EDN3: variants seen among roughly 807,000 people sequenced by gnomAD.
The protein encoded by EDN3 is endothelin 3, also known as endothelin-3.
EDN3 carries 9 observed loss-of-function variants against 21.4 expected under a neutral mutation model. The ratio of observed to expected loss-of-function variants is 0.42; its 90% CI spans 0.25 to 0.73. EDN3 has a LOEUF of 0.73. Among genes scored for constraint, EDN3 ranks in the 30% least tolerant of loss-of-function variants. The pLI is 0.26. For missense variants in EDN3, 327 were observed against 309.4 expected (o/e 1.06, Z -0.43); for synonymous variants, 133 against 126.2 (o/e 1.05, Z -0.36).
chr20:59,322,293 G>A lies in EDN3; in HGVS notation c.543-79G>A. 1 of 1,514,612 alleles carries A rather than the reference G, an allele frequency of 6.6e-7. No individual in the cohort carries two copies. Among genetic ancestry groups the A allele is most frequent in the South Asian group, 1.1e-5 (1 of 88,814 alleles). 93.8% of individuals were successfully genotyped at this position (1,514,612 alleles called of 1,614,324 possible). A position where few individuals can be genotyped will look rare whatever the true frequency, so the allele number is the denominator to read the frequency against. ...CTAATGTGCTCATTGGTGGGGAAGA[G>A]GAAGTCATAATTTGACACCGAAAAA... On this transcript the variant is annotated intron_variant, in intron 3 of 4. Transcript: ENST00000337938. The surrounding 1 kb of genome is among the most constrained non-coding windows in gnomAD (Gnocchi z 4.1).
At position 59,301,686 on chromosome 20, in the gene EDN3, A is replaced by C; in HGVS notation, c.329A>C (p.Tyr110Ser). ...FTYKDKECVY[Y>S]CHLDIIWINT... ...TACAAGGACAAGGAGTGTGTCTACT[A>C]TTGCCACCTGGACATCATTTGGATC... Residue 110 changes from tyrosine to serine, a missense_variant, in exon 2 of 5, where the codon TAT (tyrosine) becomes TCT (serine). Transcript: ENST00000337938. 7.4e-6 allele frequency: 12 copies of C among 1,614,108 alleles called. No homozygotes were observed. Among genetic ancestry groups the C allele is most frequent in the Non-Finnish European group, 8.5e-6 (10 of 1,180,002 alleles).
chr20:59,321,485 C>T (rs1990544287), intron 3 of EDN3, among the ~76,000 whole-genome samples: 1 of 152,186 alleles, frequency 6.6e-6, no homozygotes, highest in African/African-American at 2.4e-5. Flanking sequence ...GCCTGCACAG[C>T]ACTTTGTGAA....
chr20:59,306,399 C>T (rs1473160009), intron 2 of EDN3, among the ~76,000 whole-genome samples: 1 of 151,970 alleles, frequency 6.6e-6, no homozygotes, highest in Non-Finnish European at 1.5e-5. Context: ...CTCTCTGTGA[C>T]CCTCTGGAAG....
chr20:59,300,924 G>A (rs1019017119), intron 1 of EDN3, 60 bp downstream of exon 1: 1 of 1,582,784 alleles, frequency 6.3e-7, no homozygotes, highest in African/African-American at 1.3e-5. Context: ...GACCCAGGGC[G>A]GGGGACCCGA....
At chr20:59,321,290 C>T (rs931198050) in intron 3 of EDN3, 97 bp downstream of exon 3, 47 of 1,377,444 alleles carry the variant, frequency 3.4e-5, no homozygotes, top group Non-Finnish European at 4.5e-5. Context: ...TAGGATAGTT[C>T]AGTCACATCC....
rs150731720 is a variant in EDN3, at chr20:59,301,611, C to G, written c.254C>G (p.Ala85Gly). Residue 85 changes from alanine (A) to glycine (G), a missense_variant, in exon 2 of 5, where the codon GCC (alanine) becomes GGC (glycine). Physicochemically the swap from Ala to Gly is moderately conservative, Grantham distance 60 (BLOSUM62 0). Coordinates refer to ENST00000337938, the MANE Select transcript of EDN3 (RefSeq NM_207034.3). ...SPGSPGQEQA[A>G]EGAPEHHRSR... ...GGAAGCCCTGGGCAGGAGCAGGCGG[C>G]CGAGGGGGCCCCTGAGCACCACCGA... 26 of 1,614,054 alleles carry G rather than the reference C, an allele frequency of 1.6e-5. No individual in the cohort carries two copies. In the African/African-American group the frequency reaches 2.9e-4, roughly 18 times the overall value.
At chr20:59,319,019 T>C (rs1990361280) in intron 2 of EDN3, among the ~76,000 whole-genome samples, 1 of 152,188 alleles carries the variant, frequency 6.6e-6, no homozygotes, top group African/African-American at 2.4e-5. Flanking sequence ...ATGTCTACAT[T>C]GTCTTGCTGC....
chr20:59,307,002 A>G (rs560100578), intron 2 of EDN3, among the ~76,000 whole-genome samples: 1 of 152,334 alleles, frequency 6.6e-6, no homozygotes, highest in East Asian at 1.9e-4. Context: ...AAAAATAGCC[A>G]GGCATGGTGG....
intron 2 of EDN3, among the ~76,000 whole-genome samples, chr20:59,320,662 G>A (rs563900445): frequency 1.3e-5 from 2 of 152,342 alleles, no homozygotes; most frequent in East Asian, 1.9e-4. Context: ...GCCCCAGGGC[G>A]TTCAGGCCAC....
rs572251353 is a variant in EDN3, at chr20:59,319,244, G to A, written c.366-1773G>A. ...GGGAGAACAAGAGTCAACGAACAGG[G>A]TGGGGTCAGTTTTAGGCTCTTGTGT... On this transcript the variant is annotated intron_variant, in intron 2 of 4. Transcript: ENST00000337938. Among the ~76,000 whole-genome samples the A allele has an allele frequency of 7.9e-5, 12 of 152,120 alleles. No individual in the cohort carries two copies. The South Asian group carries it at 2.3e-3, about 29-fold the overall frequency.
At chr20:59,301,759 G>A (rs777245802) in intron 2 of EDN3, 37 bp downstream of exon 2, 13 of 1,607,954 alleles carry the variant, frequency 8.1e-6, no homozygotes, top group Non-Finnish European at 1.1e-5. Context: ...CGTGGCTCCC[G>A]GACCAGGCCC....
chr20:59,324,599 C>G lies in EDN3; in HGVS notation c.*140C>G. On this transcript the variant is annotated 3_prime_UTR_variant, in exon 5 of 5. Transcript: ENST00000337938. The stretch of plus-strand genomic sequence containing the variant: ...CCCAAAGAGTCCCCACTTAACAATA[C>G]CCCCCCCCCACGGCAAGAATGCCCA... 1 of 249,250 alleles carries G rather than the reference C, an allele frequency of 4.0e-6. No individual in the cohort carries two copies. The highest frequency in any genetic ancestry group is 5.7e-6 in the Non-Finnish European group (1 of 175,466). 15.4% of individuals were successfully genotyped at this position (249,250 alleles called of 1,614,324 possible). A position where few individuals can be genotyped will look rare whatever the true frequency, so the allele number is the denominator to read the frequency against.
Position 59,300,785 on chromosome 20 carries a change from C to G in EDN3, c.-28C>G, listed in dbSNP as rs1275560175. On this transcript the variant is annotated 5_prime_UTR_variant, in exon 1 of 5. Transcript: ENST00000337938. ...GGCCACAAGCGGCCGTCCTCCTGGT[C>G]CGGTGCTCCGGCGCCTGATCTAGGT... 2 of 1,604,166 alleles carry G rather than the reference C, an allele frequency of 1.2e-6. No individual in the cohort carries two copies. The highest frequency in any genetic ancestry group is 2.2e-5 in the East Asian group (1 of 44,474).
chr20:59,309,327 C>T (rs984719502), intron 2 of EDN3, among the ~76,000 whole-genome samples: 1 of 152,080 alleles, frequency 6.6e-6, no homozygotes, highest in African/African-American at 2.4e-5. Flanking sequence ...GTCCTTGGTA[C>T]GTCCAGCAGA....
rs1394725502 is a variant in EDN3 at position 59,322,817 on chromosome 20, A to G, written c.588+400A>G. On this transcript the variant is annotated intron_variant, in intron 4 of 4. Coordinates refer to ENST00000337938, the MANE Select transcript of EDN3 (RefSeq NM_207034.3). This position sits in a 1 kb window ranked among gnomAD's most constrained non-coding sequence, Gnocchi z 4.1. The stretch of plus-strand genomic sequence containing the variant: ...ACTTCGCCTCTGCTTCCTTAGCAAC[A>G]TGTGGTCTTTCTCGTCAAAAAAATC... Among the ~76,000 whole-genome samples the G allele has an allele frequency of 1.3e-5, 2 of 152,130 alleles. No individual in the cohort carries two copies. Among genetic ancestry groups the G allele is most frequent in the African/African-American group, 2.4e-5 (1 of 41,426 alleles).
In EDN3 at chr20:59,324,482, G is replaced by T. The variant is rs1275539899; in HGVS notation, c.*23G>T. The T allele has an allele frequency of 6.2e-7, 1 of 1,613,652 alleles. No homozygotes were observed. The highest frequency in any genetic ancestry group is 8.5e-7 in the Non-Finnish European group (1 of 1,179,962). Reference sequence around the variant, plus strand: ...TAGGAGGACAGGCCTGCAGCATCCTGGTCTCGGGAGGCTTCTGTCATTGCT... The same window carrying T: ...TAGGAGGACAGGCCTGCAGCATCCTTGTCTCGGGAGGCTTCTGTCATTGCT... On this transcript the variant is annotated 3_prime_UTR_variant, in exon 5 of 5. Coordinates refer to ENST00000337938, the MANE Select transcript of EDN3 (RefSeq NM_207034.3).
At chr20:59,309,048 T>A (rs757999920) in intron 2 of EDN3, among the ~76,000 whole-genome samples, 3 of 152,230 alleles carry the variant, frequency 2.0e-5, no homozygotes, top group Non-Finnish European at 1.5e-5. Context: ...CAAAGGTTGC[T>A]GGGCTGGGCT....
In EDN3 at chr20:59,322,511, C is replaced by A; in HGVS notation, c.588+94C>A. 1.3e-6 allele frequency: 2 copies of A among 1,540,064 alleles called. No individual in the cohort carries two copies. Among genetic ancestry groups the A allele is most frequent in the Non-Finnish European group, 1.8e-6 (2 of 1,116,242 alleles). On this transcript the variant is annotated intron_variant, in intron 4 of 4. Coordinates refer to ENST00000337938, the MANE Select transcript of EDN3 (RefSeq NM_207034.3). The surrounding 1 kb of genome is among the most constrained non-coding windows in gnomAD (Gnocchi z 4.1). ...GGTGGAGGGTGTTTTGAGGGGATGG[C>A]ATCTGGTCTGGTCCAGTGGGAACCC...
rs11570261 is a variant in EDN3, at chr20:59,302,178, G to A, written c.365+456G>A. ...ATCCTGGTCTCCAGGGAGTCTAAGGGTGGGTTTAGCTGAGCCTGACAGAAC... is the reference window on the plus strand; with the variant it reads ...ATCCTGGTCTCCAGGGAGTCTAAGGATGGGTTTAGCTGAGCCTGACAGAAC... On this transcript the variant is annotated intron_variant, in intron 2 of 4. Transcript: ENST00000337938. 2.8e-3 allele frequency among the ~76,000 whole-genome samples: 427 copies of A among 152,286 alleles called. 2 individuals carry two copies. Among genetic ancestry groups the A allele is most frequent in the Non-Finnish European group, 4.7e-3 (320 of 68,018 alleles).
Sources: gnomAD v4.1 joint callset for allele counts (sites outside exome capture counted in the v4.1 genomes callset) on GRCh38, gnomAD v4.1.1 for gene constraint, Gnocchi (gnomAD v3.1) non-coding constraint, MANE v1.5 for transcripts, NCBI Gene and HGNC (gene_info 2026-07-23, HGNC 2026-07-21) for gene names.